The following TECRL variants were observed in gnomAD, a reference collection of about 807,000 sequenced individuals.
The protein encoded by TECRL is trans-2,3-enoyl-CoA reductase-like.
In TECRL, 63 loss-of-function variants were observed where a neutral mutation model predicts 52.8. The observed-to-expected ratio is 1.19, with a 90% CI of 0.97 to 1.47. The LOEUF (loss-of-function observed/expected upper bound fraction) is 1.47. Among genes scored for constraint, TECRL ranks in the 40% most tolerant of loss-of-function variants. TECRL has a pLI of 0.00. For synonymous variants in TECRL, 164 were observed against 141.9 expected (o/e 1.16, Z -1.10); for missense variants, 482 against 429.6 (o/e 1.12, Z -1.08).
At chr4:64,303,444 C>T (rs1191063895) in intron 7 of TECRL, among the ~76,000 whole-genome samples, 1 of 151,724 alleles carries the variant, frequency 6.6e-6, no homozygotes, top group Non-Finnish European at 1.5e-5. Context: ...GATGTCTATA[C>T]AGAATTTATG....
At chr4:64,363,804 G>A (rs2109625495) in intron 2 of TECRL, among the ~76,000 whole-genome samples, 1 of 152,252 alleles carries the variant, frequency 6.6e-6, no homozygotes, top group East Asian at 1.9e-4. Flanking sequence ...ATTTAAGAAT[G>A]TTAGCACAGG....
chr4:64,326,649 T>C (rs1718287023), intron 3 of TECRL, among the ~76,000 whole-genome samples: 1 of 152,130 alleles, frequency 6.6e-6, no homozygotes, highest in South Asian at 2.1e-4. Context: ...AAAGTTGTGG[T>C]TATTGTAGAC....
chr4:64,290,980 CAA>C lies in TECRL; in HGVS notation c.775-1215_775-1214del, dbSNP rs202154994. ...GTTTCTTAAGTTATCATTAGAAAGA[CAA>C]AGTGGAATTTTGAATTTTCAGGTAA... On this transcript the variant is annotated intron_variant, in intron 8 of 11. Coordinates refer to ENST00000381210, the MANE Select transcript of TECRL (RefSeq NM_001010874.5). 6.5e-3 allele frequency among the ~76,000 whole-genome samples: 989 copies of C among 152,100 alleles called. 6 individuals are homozygous for C. The highest frequency in any genetic ancestry group is 0.023 in the African/African-American group (938 of 41,538).
At chr4:64,311,417 T>A (rs1716991557) in intron 5 of TECRL, among the ~76,000 whole-genome samples, 1 of 152,156 alleles carries the variant, frequency 6.6e-6, no homozygotes, top group Non-Finnish European at 1.5e-5. Flanking sequence ...TACAAGAAGC[T>A]GCCTTGTGAG....
At chr4:64,382,047 A>C (rs942149364) in intron 1 of TECRL, among the ~76,000 whole-genome samples, 1 of 151,728 alleles carries the variant, frequency 6.6e-6, no homozygotes, top group African/African-American at 2.4e-5. Flanking sequence ...GGAATTCACC[A>C]GTATAGCAAC....
intron 2 of TECRL, among the ~76,000 whole-genome samples, chr4:64,357,518 T>C (rs1191596560): frequency 6.6e-6 from 1 of 151,504 alleles, no homozygotes; most frequent in Non-Finnish European, 1.5e-5. Context: ...TCAGATATTA[T>C]TTTGAAAACA....
chr4:64,369,843 T>C (rs1430861068), intron 2 of TECRL, among the ~76,000 whole-genome samples: 1 of 151,986 alleles, frequency 6.6e-6, no homozygotes, highest in Non-Finnish European at 1.5e-5. Context: ...TTATTAGTAG[T>C]ATTATAAATG....
intron 1 of TECRL, among the ~76,000 whole-genome samples, chr4:64,401,466 C>A (rs1409174249): frequency 6.6e-6 from 1 of 152,112 alleles, no homozygotes; most frequent in Non-Finnish European, 1.5e-5. Flanking sequence ...CCATCTTCAG[C>A]TAAACAATTC....
intron 2 of TECRL, among the ~76,000 whole-genome samples, chr4:64,353,282 T>A (rs10006222): frequency 0.66 from 100,784 of 151,928 alleles, 34,790 homozygotes; most frequent in Non-Finnish European, 0.76. Context: ...TGCATATATT[T>A]TGAGGGCTGA....
At chr4:64,338,002 G>A (rs1719243999) in intron 2 of TECRL, among the ~76,000 whole-genome samples, 1 of 152,114 alleles carries the variant, frequency 6.6e-6, no homozygotes, top group Non-Finnish European at 1.5e-5. Context: ...GAACAAAGCT[G>A]GAGGCATCAT....
At chr4:64,398,181 G>T (rs1282618348) in intron 1 of TECRL, among the ~76,000 whole-genome samples, 2 of 151,860 alleles carry the variant, frequency 1.3e-5, no homozygotes, top group Admixed American at 6.6e-5. Context: ...TTTATTCAAG[G>T]CTCTGTGCCA....
At chr4:64,360,489 T>G (rs1577933584) in intron 2 of TECRL, among the ~76,000 whole-genome samples, 1 of 151,984 alleles carries the variant, frequency 6.6e-6, no homozygotes, top group East Asian at 1.9e-4. Flanking sequence ...AAGAGTAAGA[T>G]TAGATAACAT....
intron 4 of TECRL, among the ~76,000 whole-genome samples, chr4:64,316,124 A>G (rs910022317): frequency 1.3e-5 from 2 of 152,106 alleles, no homozygotes; most frequent in African/African-American, 4.8e-5. Context: ...TTCAACACCA[A>G]TTGATCTAGT....
chr4:64,371,294 AATT>A lies in TECRL; in HGVS notation c.286+3875_286+3877del, dbSNP rs1419001329. On this transcript the variant is annotated intron_variant, in intron 2 of 11. Coordinates refer to ENST00000381210, the MANE Select transcript of TECRL (RefSeq NM_001010874.5). ...TAAAATACAATTACCTTATCATTAT[AATT>A]AATTAAATTATAATTATAACTAAAT... Among the ~76,000 whole-genome samples the A allele has an allele frequency of 2.6e-5, 4 of 151,126 alleles. No individual in the cohort carries two copies. In the East Asian group the frequency reaches 7.7e-4, roughly 29 times the overall value.
intron 8 of TECRL, among the ~76,000 whole-genome samples, chr4:64,291,004 G>A (rs1304799530): frequency 6.6e-6 from 1 of 152,034 alleles, no homozygotes; most frequent in Non-Finnish European, 1.5e-5. Context: ...GAATTTTCAG[G>A]TAATACTTTT....
intron 8 of TECRL, among the ~76,000 whole-genome samples, chr4:64,291,775 C>A (rs1232749248): frequency 7.9e-5 from 12 of 151,514 alleles, no homozygotes; most frequent in Admixed American, 6.6e-5. Context: ...GTGAAACTGT[C>A]CCTAGAAGAA....
chr4:64,370,271 A>G, intron 2 of TECRL, among the ~76,000 whole-genome samples: 1 of 151,902 alleles, frequency 6.6e-6, no homozygotes. Flanking sequence ...AAGTATGAGA[A>G]GACAATTTTT....
chr4:64,368,899 A>G (rs1486536337), intron 2 of TECRL, among the ~76,000 whole-genome samples: 3 of 152,076 alleles, frequency 2.0e-5, no homozygotes, highest in Non-Finnish European at 4.4e-5. Flanking sequence ...CATTATTTGT[A>G]TCCCCCAGCA....
intron 1 of TECRL, among the ~76,000 whole-genome samples, chr4:64,396,963 T>C (rs1035701732): frequency 6.6e-6 from 1 of 152,120 alleles, no homozygotes; most frequent in Non-Finnish European, 1.5e-5. Flanking sequence ...CATCACACTA[T>C]CTGATTTCAA....
Sources: allele counts gnomAD v4.1 joint callset (sites outside exome capture counted in the v4.1 genomes callset), GRCh38; gene constraint gnomAD v4.1.1; transcripts MANE v1.5; gene names NCBI Gene and HGNC (gene_info 2026-07-23, HGNC 2026-07-21).